TLL1: variants seen among roughly 807,000 people sequenced by gnomAD.
The protein encoded by TLL1 is tolloid like 1, also known as tolloid-like protein 1.
In TLL1, 49 loss-of-function variants were observed where a neutral mutation model predicts 128.2. The observed-to-expected ratio is 0.38, with a 90% CI of 0.30 to 0.48. The LOEUF is 0.48. Ranked by LOEUF, TLL1 falls within the 20% of genes least tolerant of loss-of-function variation. The pLI is 0.96. For missense variants in TLL1, 1,123 were observed against 1,242.0 expected (o/e 0.90, Z 1.44); for synonymous variants, 454 against 418.8 (o/e 1.08, Z -1.03).
At chr4:166,031,116 C>A (rs1261630610) in intron 9 of TLL1, among the ~76,000 whole-genome samples, 1 of 152,000 alleles carries the variant, frequency 6.6e-6, no homozygotes, top group Non-Finnish European at 1.5e-5. Context: ...TTTCTGAAGG[C>A]AGTTTTCCCA....
At chr4:165,991,320 T>C (rs1230698687) in intron 2 of TLL1, among the ~76,000 whole-genome samples, 1 of 151,978 alleles carries the variant, frequency 6.6e-6, no homozygotes, top group Non-Finnish European at 1.5e-5. Context: ...AAGGTACATG[T>C]TTGAAAGTTC....
At chr4:165,946,608 C>T (rs908599329) in intron 1 of TLL1, among the ~76,000 whole-genome samples, 2 of 150,752 alleles carry the variant, frequency 1.3e-5, no homozygotes, top group African/African-American at 2.4e-5. Context: ...CCAAAGTGCT[C>T]GAATTATAGG....
chr4:165,953,672 G>A (rs940571332), intron 1 of TLL1, among the ~76,000 whole-genome samples: 9 of 150,732 alleles, frequency 6.0e-5, no homozygotes, highest in Non-Finnish European at 8.8e-5. Context: ...AATGAATAGA[G>A]TGAATTTCAC....
intron 18 of TLL1, among the ~76,000 whole-genome samples, chr4:166,082,566 C>A (rs1340879913): frequency 6.6e-6 from 1 of 152,062 alleles, no homozygotes; most frequent in South Asian, 2.1e-4. Flanking sequence ...ATCATCTACT[C>A]GTGTACTTTG....
chr4:165,960,714 G>T (rs1184405199), intron 1 of TLL1, among the ~76,000 whole-genome samples: 1 of 151,980 alleles, frequency 6.6e-6, no homozygotes, highest in Non-Finnish European at 1.5e-5. Flanking sequence ...GAATATATAT[G>T]ATCATCTCAA....
intron 1 of TLL1, among the ~76,000 whole-genome samples, chr4:165,958,025 A>G (rs1276969875): frequency 1.2e-4 from 18 of 150,958 alleles, no homozygotes; most frequent in Non-Finnish European, 2.7e-4. Flanking sequence ...CCATGTCCCT[A>G]CAAAGGACAT....
At chr4:165,991,423 A>G (rs891620740) in intron 2 of TLL1, among the ~76,000 whole-genome samples, 3 of 152,006 alleles carry the variant, frequency 2.0e-5, no homozygotes, top group African/African-American at 7.2e-5. Flanking sequence ...TTGATGCCAT[A>G]CTTTTAAAAT....
intron 1 of TLL1, among the ~76,000 whole-genome samples, chr4:165,922,653 T>C (rs894457144): frequency 2.0e-5 from 3 of 152,206 alleles, no homozygotes; most frequent in Non-Finnish European, 4.4e-5. Flanking sequence ...TCAAAGAAGA[T>C]TAATGTGCCA....
intron 16 of TLL1, among the ~76,000 whole-genome samples, chr4:166,070,645 G>T (rs1002759884): frequency 6.6e-6 from 1 of 151,866 alleles, no homozygotes; most frequent in South Asian, 2.1e-4. Context: ...CCGACTCCCA[G>T]TTCATTTCTG....
chr4:165,877,112 G>C (rs1465636517), intron 1 of TLL1, among the ~76,000 whole-genome samples: 1 of 152,184 alleles, frequency 6.6e-6, no homozygotes, highest in Non-Finnish European at 1.5e-5. Context: ...AACTTTAAAA[G>C]TTACACTATC....
chr4:166,030,895 A>G (rs17689976), intron 9 of TLL1: 116,037 of 983,004 alleles, frequency 0.12, 7,165 homozygotes, highest in East Asian at 0.26. Context: ...TTATAAAACT[A>G]TAGTTTCACT....
chr4:166,065,406 T>C (rs1042830806), intron 15 of TLL1, among the ~76,000 whole-genome samples: 8 of 152,052 alleles, frequency 5.3e-5, no homozygotes, highest in African/African-American at 1.9e-4. Context: ...ACCAGTGCCA[T>C]GTATGACAAG....
intron 1 of TLL1, among the ~76,000 whole-genome samples, chr4:165,929,281 T>A (rs949001841): frequency 3.3e-5 from 5 of 152,146 alleles, no homozygotes; most frequent in African/African-American, 1.2e-4. Flanking sequence ...ATCTTTCTAT[T>A]GTTTAAAGAA....
intron 1 of TLL1, among the ~76,000 whole-genome samples, chr4:165,932,192 T>TA (rs1256473445): frequency 6.6e-6 from 1 of 152,176 alleles, no homozygotes; most frequent in African/African-American, 2.4e-5. Context: ...AGTCCACACT[T>TA]ACGAGATTCA....
intron 1 of TLL1, among the ~76,000 whole-genome samples, chr4:165,896,697 A>G (rs1731697620): frequency 6.6e-6 from 1 of 151,900 alleles, no homozygotes; most frequent in African/African-American, 2.4e-5. Flanking sequence ...GTTAGCCAGG[A>G]TAGTCTTGAT....
At chr4:165,970,058 A>C (rs1263461686) in intron 1 of TLL1, among the ~76,000 whole-genome samples, 4 of 152,280 alleles carry the variant, frequency 2.6e-5, no homozygotes, top group East Asian at 3.9e-4. Context: ...AATAAGTCTC[A>C]TTACTTTATA....
intron 1 of TLL1, among the ~76,000 whole-genome samples, chr4:165,901,095 T>A (rs556677702): frequency 6.6e-6 from 1 of 152,214 alleles, no homozygotes; most frequent in South Asian, 2.1e-4. Context: ...ATCAGGTCAT[T>A]TATGTTATTC....
intron 18 of TLL1, among the ~76,000 whole-genome samples, chr4:166,079,897 A>T (rs1741207896): frequency 6.6e-6 from 1 of 152,156 alleles, no homozygotes; most frequent in Admixed American, 6.5e-5. Context: ...CAAATTCAGT[A>T]ATTATTTCTT....
intron 15 of TLL1, among the ~76,000 whole-genome samples, chr4:166,062,464 A>T (rs6815812): frequency 0.43 from 65,267 of 151,860 alleles, 15,228 homozygotes; most frequent in African/African-American, 0.63. Context: ...CAAGGTATTT[A>T]ATTCTCTTTG....
Sources: gnomAD v4.1 joint callset for allele counts (sites outside exome capture counted in the v4.1 genomes callset) on GRCh38, gnomAD v4.1.1 for gene constraint, MANE v1.5 for transcripts, NCBI Gene and HGNC (gene_info 2026-07-23, HGNC 2026-07-21) for gene names.